Variants in HERPUD2 observed in about 807,000 individuals in gnomAD.
HERPUD2 encodes the protein HERPUD family member 2, also known as homocysteine-responsive endoplasmic reticulum-resident ubiquitin-like domain member 2 protein.
In HERPUD2, 13 loss-of-function variants were observed where a neutral mutation model predicts 49.9. The ratio of observed to expected loss-of-function variants is 0.26; its 90% CI spans 0.17 to 0.41. The LOEUF (loss-of-function observed/expected upper bound fraction) is 0.41. Among genes scored for constraint, HERPUD2 ranks in the 10% least tolerant of loss-of-function variants. The pLI is 1.00. For synonymous variants in HERPUD2, 172 were observed against 171.4 expected, an observed-to-expected ratio of 1.00 and a Z score of -0.03; for missense variants, 449 against 492.2, an observed-to-expected ratio of 0.91 and a Z score of 0.83.
chr7:35,684,463 G>A (rs112460230), intron 2 of HERPUD2, among the ~76,000 whole-genome samples: 20 of 151,492 alleles, frequency 1.3e-4, no homozygotes, highest in African/African-American at 4.4e-4. Flanking sequence ...CTGCAAAAAC[G>A]TGGAACCAAC....
At chr7:35,681,189 TAATA>T (rs1281172419) in intron 2 of HERPUD2, among the ~76,000 whole-genome samples, 1 of 152,192 alleles carries the variant, frequency 6.6e-6, no homozygotes, top group Non-Finnish European at 1.5e-5. Context: ...TTCTTTAAAT[TAATA>T]GTCAACTTTG....
At chr7:35,649,593 T>G (rs1396567176) in intron 5 of HERPUD2, among the ~76,000 whole-genome samples, 2 of 152,132 alleles carry the variant, frequency 1.3e-5, no homozygotes, top group African/African-American at 4.8e-5. Context: ...CAAAAAGATG[T>G]GAAATATATA....
rs529985934 is a variant in HERPUD2, at chr7:35,637,970, G to C, written c.617+380C>G. ...AGAATCAAAACGGACTAAATACTGA[G>C]AGTCAAGTAAGCATATTAGCTGCAC... On this transcript the variant is annotated intron_variant, in intron 6 of 8. Coordinates refer to ENST00000311350, the MANE Select transcript of HERPUD2 (RefSeq NM_022373.5). Among the ~76,000 whole-genome samples the C allele has an allele frequency of 6.6e-5, 10 of 152,316 alleles. No individual in the cohort carries two copies. In the East Asian group the frequency reaches 1.9e-3, roughly 29 times the overall value.
intron 2 of HERPUD2, among the ~76,000 whole-genome samples, chr7:35,692,206 A>G (rs1786207827): frequency 6.6e-6 from 1 of 152,232 alleles, no homozygotes; most frequent in Non-Finnish European, 1.5e-5. Context: ...CGGCACTGAC[A>G]TCCTCCACTA....
At chr7:35,689,226 T>C (rs973456705) in intron 2 of HERPUD2, among the ~76,000 whole-genome samples, 2 of 152,208 alleles carry the variant, frequency 1.3e-5, no homozygotes, top group Admixed American at 1.3e-4. Context: ...CAATAAAATT[T>C]TAGTGAGCAG....
At chr7:35,654,377 C>A (rs1460310257) in intron 5 of HERPUD2, among the ~76,000 whole-genome samples, 1 of 151,492 alleles carries the variant, frequency 6.6e-6, no homozygotes, top group Non-Finnish European at 1.5e-5. Context: ...ACAACTGATA[C>A]CACAGAAATA....
intron 5 of HERPUD2, among the ~76,000 whole-genome samples, chr7:35,651,158 A>G (rs1193934588): frequency 6.6e-6 from 1 of 152,140 alleles, no homozygotes; most frequent in Non-Finnish European, 1.5e-5. Flanking sequence ...TTGTCCCACC[A>G]ATATTACTGC....
chr7:35,639,699 T>C (rs1385200889), intron 5 of HERPUD2, among the ~76,000 whole-genome samples: 1 of 152,244 alleles, frequency 6.6e-6, no homozygotes, highest in Non-Finnish European at 1.5e-5. Context: ...TCATTAGCTA[T>C]AATTTTATAT....
intron 2 of HERPUD2, among the ~76,000 whole-genome samples, chr7:35,673,561 GTCTTT>G (rs1194562927): frequency 6.6e-6 from 1 of 152,064 alleles, no homozygotes; most frequent in Non-Finnish European, 1.5e-5. Flanking sequence ...TTGGAAGTCT[GTCTTT>G]TCAACTGTAA....
At chr7:35,687,443 A>G (rs573072492) in intron 2 of HERPUD2, among the ~76,000 whole-genome samples, 2 of 152,360 alleles carry the variant, frequency 1.3e-5, no homozygotes, top group South Asian at 4.1e-4. Context: ...CTGGTCACAG[A>G]TGGCAGTGCA....
chr7:35,650,195 G>A (rs1177097357), intron 5 of HERPUD2, among the ~76,000 whole-genome samples: 4 of 152,122 alleles, frequency 2.6e-5, no homozygotes, highest in African/African-American at 7.2e-5. Context: ...ATCACCTAAG[G>A]GAGAATGCTG....
intron 5 of HERPUD2, among the ~76,000 whole-genome samples, chr7:35,661,307 T>G (rs924449863): frequency 1.3e-5 from 2 of 152,198 alleles, no homozygotes; most frequent in Admixed American, 1.3e-4. Flanking sequence ...TGAGGTCAGG[T>G]AGCGTGATGC....
chr7:35,648,628 G>C (rs1451433150), intron 5 of HERPUD2, among the ~76,000 whole-genome samples: 3 of 152,216 alleles, frequency 2.0e-5, no homozygotes, highest in Non-Finnish European at 2.9e-5. Context: ...TGTAGTATTA[G>C]TAAATGTGAC....
chr7:35,686,996 G>A (rs1393580543), intron 2 of HERPUD2, among the ~76,000 whole-genome samples: 1 of 147,630 alleles, frequency 6.8e-6, no homozygotes, highest in South Asian at 2.2e-4. Context: ...GGAGGCAGAG[G>A]TTGCAGTGAG....
intron 2 of HERPUD2, among the ~76,000 whole-genome samples, chr7:35,690,827 G>C (rs960456894): frequency 6.6e-6 from 1 of 151,872 alleles, no homozygotes; most frequent in African/African-American, 2.4e-5. Flanking sequence ...AAAAAGAACG[G>C]TATAAAAAAG....
intron 6 of HERPUD2, 107 bp downstream of exon 6, chr7:35,638,243 T>C: frequency 8.8e-7 from 1 of 1,140,190 alleles, no homozygotes. Flanking sequence ...CAAAACAACA[T>C]TAAATACATA....
At chr7:35,668,153 A>C (rs1173672204) in intron 4 of HERPUD2, among the ~76,000 whole-genome samples, 1 of 152,192 alleles carries the variant, frequency 6.6e-6, no homozygotes, top group Non-Finnish European at 1.5e-5. Flanking sequence ...GGTTCACTTA[A>C]CCTCTCAGAG....
intron 5 of HERPUD2, among the ~76,000 whole-genome samples, chr7:35,660,339 C>A (rs1277452672): frequency 6.6e-6 from 1 of 152,164 alleles, no homozygotes; most frequent in Non-Finnish European, 1.5e-5. Context: ...AATAAACATA[C>A]GTGTGCATAT....
intron 2 of HERPUD2, among the ~76,000 whole-genome samples, chr7:35,693,872 G>A (rs1369870881): frequency 6.6e-6 from 1 of 152,108 alleles, no homozygotes; most frequent in African/African-American, 2.4e-5. Context: ...TCCTGACCTC[G>A]TGATCCGCCC....
Sources: allele counts gnomAD v4.1 joint callset (sites outside exome capture counted in the v4.1 genomes callset), GRCh38; gene constraint gnomAD v4.1.1; transcripts MANE v1.5; gene names NCBI Gene and HGNC (gene_info 2026-07-23, HGNC 2026-07-21).